STK39: variants seen among roughly 807,000 people sequenced by gnomAD.
STK39 encodes the protein serine/threonine kinase 39, also known as STE20/SPS1-related proline-alanine-rich protein kinase.
In STK39, 20 loss-of-function variants were observed where a neutral mutation model predicts 77.8. The observed-to-expected ratio is 0.26, with a 90% CI of 0.18 to 0.37. The LOEUF (loss-of-function observed/expected upper bound fraction) is 0.37, where lower values mean the gene tolerates loss of function less well. Ranked by LOEUF, STK39 falls within the 10% of genes least tolerant of loss-of-function variation. STK39 has a pLI of 1.00. For missense variants in STK39, 479 were observed against 656.5 expected (o/e 0.73, Z 2.95); for synonymous variants, 246 against 234.1 (o/e 1.05, Z -0.47).
intron 16 of STK39, among the ~76,000 whole-genome samples, chr2:167,996,408 TAAG>T (rs796717024): frequency 3.2e-4 from 48 of 152,352 alleles, no homozygotes; most frequent in African/African-American, 1.2e-3. Context: ...GACACCATTA[TAAG>T]AAGAAGTCTG....
At chr2:168,234,047 A>G (rs1293744644) in intron 1 of STK39, among the ~76,000 whole-genome samples, 1 of 152,246 alleles carries the variant, frequency 6.6e-6, no homozygotes, top group Non-Finnish European at 1.5e-5. Flanking sequence ...TAGCTTGCAA[A>G]TAGGTACAGA....
At chr2:168,092,373 T>C (rs910237274) in intron 10 of STK39, among the ~76,000 whole-genome samples, 2 of 152,224 alleles carry the variant, frequency 1.3e-5, no homozygotes, top group African/African-American at 4.8e-5. Context: ...CCATAAATTC[T>C]ATCTTGTTAA....
chr2:168,192,221 G>A (rs181214869), intron 1 of STK39, among the ~76,000 whole-genome samples: 5 of 152,198 alleles, frequency 3.3e-5, no homozygotes, highest in Admixed American at 1.3e-4. Flanking sequence ...GCTTAACAGG[G>A]AAACAGCAGG....
chr2:168,060,228 GA>G (rs971650370), intron 14 of STK39, among the ~76,000 whole-genome samples: 1 of 150,302 alleles, frequency 6.7e-6, no homozygotes, highest in Non-Finnish European at 1.5e-5. Flanking sequence ...AATATTTAGC[GA>G]AAAAAAAAGT....
chr2:167,956,721 CTCTCT>C (rs375299331), intron 17 of STK39, among the ~76,000 whole-genome samples: 3 of 70,316 alleles, frequency 4.3e-5, no homozygotes, highest in African/African-American at 1.3e-4. Context: ...CTCTCTCTCT[CTCTCT>C]CTCCCCCCCC....
At chr2:168,082,498 C>T (rs890064168) in intron 10 of STK39, among the ~76,000 whole-genome samples, 1 of 152,190 alleles carries the variant, frequency 6.6e-6, no homozygotes, top group Non-Finnish European at 1.5e-5. Flanking sequence ...TCCCTGTGGC[C>T]ATAACACTGT....
intron 14 of STK39, among the ~76,000 whole-genome samples, chr2:168,056,992 G>A (rs572079159): frequency 2.0e-5 from 3 of 152,308 alleles, no homozygotes; most frequent in South Asian, 2.1e-4. Flanking sequence ...CAAAGAGCTT[G>A]TAACTTCAAA....
At chr2:168,091,244 G>C (rs181821459) in intron 10 of STK39, among the ~76,000 whole-genome samples, 34 of 151,990 alleles carry the variant, frequency 2.2e-4, no homozygotes, top group Non-Finnish European at 3.8e-4. Flanking sequence ...TCCAGCACAA[G>C]TTTAAATTGA....
In STK39 at chr2:168,074,999, T is replaced by G. The variant is rs1686040351; in HGVS notation, c.1225A>C (p.Lys409Gln). The G allele has an allele frequency of 6.2e-7, 1 of 1,613,708 alleles. No individual in the cohort carries two copies. The highest frequency in any genetic ancestry group is 1.3e-5 in the African/African-American group (1 of 74,928). ...AFSQEKSRRV[K>Q]EENPEIAVSA... ...CAGCTCACCTCTGGATTTTCTTCTT[T>G]TACTCTTCGTGACTGTAAAACAATT... The change falls in exon 12 of 18, where the codon AAA becomes CAA. Residue 409 changes from lysine to glutamine, a missense_variant. Physicochemically the swap from Lys to Gln is moderately conservative, Grantham distance 53 (BLOSUM62 1). This residue lies in a region of STK39 where 244 missense variants were observed against 296.8 expected (regional missense o/e 0.82). Coordinates refer to ENST00000355999, the MANE Select transcript of STK39 (RefSeq NM_013233.3).
chr2:168,150,397 G>GA (rs1172832451), intron 5 of STK39, among the ~76,000 whole-genome samples: 1 of 152,146 alleles, frequency 6.6e-6, no homozygotes, highest in African/African-American at 2.4e-5. Flanking sequence ...ATGTGCAGTA[G>GA]AATAAATTCA....
chr2:168,006,777 G>A (rs1009630118), intron 16 of STK39, among the ~76,000 whole-genome samples: 1 of 152,210 alleles, frequency 6.6e-6, no homozygotes, highest in Admixed American at 6.5e-5. Context: ...GTAGTGCCGA[G>A]TTTAAGCACA....
Position 168,212,928 on chromosome 2 carries a change from GAGTATAGACTCC to G in STK39, c.209-30850_209-30839del, listed in dbSNP as rs575777886. 3.2e-4 allele frequency among the ~76,000 whole-genome samples: 49 copies of G among 152,288 alleles called. No homozygotes were observed. The South Asian group carries it at 5.0e-3, about 15-fold the overall frequency. ...AAACCACAAAAAAGATAAAGCAGAAGAGTATAGACTCCAGGATAGCCATTATGGAGGAGAATC... is the reference window on the plus strand; with the variant it reads ...AAACCACAAAAAAGATAAAGCAGAAGAGGATAGCCATTATGGAGGAGAATC... On this transcript the variant is annotated intron_variant, in intron 1 of 17. Coordinates refer to ENST00000355999, the MANE Select transcript of STK39 (RefSeq NM_013233.3).
chr2:167,968,771 G>A (rs556347329), intron 16 of STK39, among the ~76,000 whole-genome samples: 2 of 152,016 alleles, frequency 1.3e-5, no homozygotes, highest in Non-Finnish European at 1.5e-5. Context: ...ATGGTACGAG[G>A]GTAGGTTTCT....
chr2:168,177,769 C>T lies in STK39; in HGVS notation c.321+4209G>A, dbSNP rs547328964. Among the ~76,000 whole-genome samples the T allele has an allele frequency of 7.9e-5, 12 of 152,260 alleles. No individual in the cohort carries two copies. The East Asian group carries it at 2.1e-3, about 27-fold the overall frequency. On this transcript the variant is annotated intron_variant, in intron 2 of 17. Transcript: ENST00000355999. ...GCAGGAAACCTCAAGGCCATCTTGA[C>T]ACAGAATATACTAGTTTGCAAGACA...
In STK39 at chr2:167,955,313, T is replaced by G; in HGVS notation, c.*183A>C. ...GAGAATAAAGCAGAACTCGGAGTGT[T>G]GTAAGTTTTAAAAAATTATTTTTTT... On this transcript the variant is annotated 3_prime_UTR_variant, in exon 18 of 18. Transcript: ENST00000355999. The G allele has an allele frequency of 1.8e-6, 1 of 557,860 alleles. No individual in the cohort carries two copies. Among genetic ancestry groups the G allele is most frequent in the Non-Finnish European group, 3.2e-6 (1 of 313,384 alleles). The allele number at this position is 557,860 out of a possible 1,614,324, so 34.6% of individuals were successfully genotyped here. A position where few individuals can be genotyped will look rare whatever the true frequency, so the allele number is the denominator to read the frequency against.
At chr2:168,159,679 G>T (rs1044844792) in intron 5 of STK39, among the ~76,000 whole-genome samples, 2 of 152,200 alleles carry the variant, frequency 1.3e-5, no homozygotes, top group Non-Finnish European at 2.9e-5. Context: ...CAGAGATGCA[G>T]AAGCTGTACA....
chr2:168,176,632 T>C lies in STK39; in HGVS notation c.321+5346A>G, dbSNP rs141497499. On this transcript the variant is annotated intron_variant, in intron 2 of 17. Coordinates refer to ENST00000355999, the MANE Select transcript of STK39 (RefSeq NM_013233.3). ...CAGTGGCTTTGTTCTGAGGAAAAAG[T>C]TCTTGATTTTATCTATAAATATTGT... Among the ~76,000 whole-genome samples the C allele has an allele frequency of 7.1e-3, 1,079 of 152,256 alleles. 3 individuals carry two copies. Among genetic ancestry groups the C allele is most frequent in the Non-Finnish European group, 0.011 (757 of 68,000 alleles).
At position 168,227,998 on chromosome 2, in the gene STK39, A is replaced by C. The variant is rs555695368; in HGVS notation, c.208+19230T>G. 2.0e-5 allele frequency among the ~76,000 whole-genome samples: 3 copies of C among 152,302 alleles called. No homozygotes were observed. The East Asian group carries it at 5.8e-4, about 29-fold the overall frequency. On this transcript the variant is annotated intron_variant, in intron 1 of 17. Transcript: ENST00000355999. ...CAATCAACGAAGTGCCAAATATCAGAATAAGGTGATCCAATAGTATCTAGA... is the reference window on the plus strand; with the variant it reads ...CAATCAACGAAGTGCCAAATATCAGCATAAGGTGATCCAATAGTATCTAGA...
intron 14 of STK39, among the ~76,000 whole-genome samples, chr2:168,060,992 A>T (rs1685649363): frequency 6.6e-6 from 1 of 152,246 alleles, no homozygotes; most frequent in Non-Finnish European, 1.5e-5. Flanking sequence ...CTAGAATATG[A>T]CACACTGATG....
Sources: allele counts gnomAD v4.1 joint callset (sites outside exome capture counted in the v4.1 genomes callset), GRCh38; gene constraint gnomAD v4.1.1; regional missense constraint gnomAD v4.1.1; transcripts MANE v1.5; gene names NCBI Gene and HGNC (gene_info 2026-07-23, HGNC 2026-07-21).